Variants in LRRC37A2 observed in about 807,000 individuals in gnomAD.
The protein encoded by LRRC37A2 is leucine-rich repeat-containing protein 37A2.
In LRRC37A2, 9 loss-of-function variants were observed where a neutral mutation model predicts 68.8. The observed-to-expected ratio is 0.13, with a 90% CI of 0.08 to 0.23. The LOEUF is 0.23. Among genes scored for constraint, LRRC37A2 ranks in the 10% least tolerant of loss-of-function variants. The pLI is 1.00. For synonymous variants in LRRC37A2, 63 were observed against 367.6 expected (o/e 0.17, Z 9.48); for missense variants, 168 against 950.4 (o/e 0.18, Z 10.82).
At chr17:46,851,822 G>A in the LRRC37A2 span, 3 of 544,170 alleles carry the variant, frequency 5.5e-6, no homozygotes, top group African/African-American at 5.9e-5. This position sits in a 1 kb window ranked among gnomAD's most constrained non-coding sequence, Gnocchi z 4.3. Context: ...CCCCGCCGAG[G>A]TCTCGAACTC....
the LRRC37A2 span, among the ~76,000 whole-genome samples, chr17:47,005,043 A>C: frequency 6.6e-6 from 1 of 152,242 alleles, no homozygotes; most frequent in African/African-American, 2.4e-5. Context: ...CCCAAGGTCC[A>C]TAGGAAGTGG....
At chr17:46,741,380 C>T in the LRRC37A2 span, among the ~76,000 whole-genome samples, 2 of 152,156 alleles carry the variant, frequency 1.3e-5, no homozygotes, top group Non-Finnish European at 2.9e-5. Context: ...TTCAGTTTCT[C>T]GTTTCATATT....
the LRRC37A2 span, among the ~76,000 whole-genome samples, chr17:46,657,500 CTT>C: frequency 3.5e-5 from 5 of 144,006 alleles, no homozygotes; most frequent in Non-Finnish European, 6.2e-5. Flanking sequence ...GAAATAGAAA[CTT>C]TTTCAGAATA....
At chr17:46,842,741 C>A in the LRRC37A2 span, among the ~76,000 whole-genome samples, 2 of 152,180 alleles carry the variant, frequency 1.3e-5, no homozygotes, top group Admixed American at 6.5e-5. Context: ...GAGTGCCTGG[C>A]ATGATGAGTG....
chr17:46,822,054 G>A, the LRRC37A2 span, among the ~76,000 whole-genome samples: 1 of 152,256 alleles, frequency 6.6e-6, no homozygotes, highest in Admixed American at 6.5e-5. Context: ...GGTAAAGGGA[G>A]AGGCGAAGCC....
chr17:46,914,650 C>CAAAAAAA, the LRRC37A2 span, among the ~76,000 whole-genome samples: 1 of 72,502 alleles, frequency 1.4e-5, no homozygotes, highest in Non-Finnish European at 2.4e-5. Context: ...GACTCCACCT[C>CAAAAAAA]AAAAAAAAAA....
At chr17:46,944,889 C>T in the LRRC37A2 span, among the ~76,000 whole-genome samples, 4 of 152,100 alleles carry the variant, frequency 2.6e-5, no homozygotes, top group Admixed American at 2.6e-4. Flanking sequence ...CATAAGCCAC[C>T]GCAGCCGGCC....
the LRRC37A2 span, among the ~76,000 whole-genome samples, chr17:46,986,185 C>T: frequency 6.6e-6 from 1 of 152,068 alleles, no homozygotes; most frequent in Admixed American, 6.5e-5. Context: ...TCCTTTTTTG[C>T]CAACACCGAC....
the LRRC37A2 span, among the ~76,000 whole-genome samples, chr17:46,957,463 A>G: frequency 3.6e-4 from 54 of 152,084 alleles, 1 homozygote; most frequent in Admixed American, 3.0e-3. Context: ...AAATACAAAA[A>G]CTAGCCAGGT....
At chr17:46,728,786 C>G in the LRRC37A2 span, 2 of 859,918 alleles carry the variant, frequency 2.3e-6, no homozygotes, top group Non-Finnish European at 3.4e-6. Flanking sequence ...AAAAAAAAAA[C>G]AAAAACTGAA....
At chr17:46,811,726 G>A in the LRRC37A2 span, among the ~76,000 whole-genome samples, 13 of 152,294 alleles carry the variant, frequency 8.5e-5, no homozygotes, top group South Asian at 2.3e-3. Flanking sequence ...AGGCCGAGGC[G>A]GGTGGATTAC....
At chr17:46,995,465 A>G in the LRRC37A2 span, among the ~76,000 whole-genome samples, 3 of 152,312 alleles carry the variant, frequency 2.0e-5, no homozygotes, top group Admixed American at 2.0e-4. Context: ...AGGCATGGCC[A>G]TGTAACTCAG....
At chr17:46,737,572 CGTGTGTGTGTGTGTGT>C in the LRRC37A2 span, among the ~76,000 whole-genome samples, 3 of 147,172 alleles carry the variant, frequency 2.0e-5, no homozygotes, top group African/African-American at 5.1e-5. Context: ...GGTGTGTGTG[CGTGTGTGTGTGTGTGT>C]GTGTGTGTGT....
At chr17:46,930,986 G>A in the LRRC37A2 span, 4 of 702,960 alleles carry the variant, frequency 5.7e-6, no homozygotes, top group Non-Finnish European at 5.2e-6. Context: ...TTCTCCTTTT[G>A]AAATATGTAG....
At chr17:46,777,279 A>G in the LRRC37A2 span, among the ~76,000 whole-genome samples, 23 of 152,362 alleles carry the variant, frequency 1.5e-4, no homozygotes, top group Non-Finnish European at 2.9e-4. Context: ...TCACACAGCC[A>G]TATCCACAGA....
At chr17:46,823,182 A>ATATT in the LRRC37A2 span, among the ~76,000 whole-genome samples, 1 of 127,868 alleles carries the variant, frequency 7.8e-6, no homozygotes, top group African/African-American at 3.2e-5. Context: ...ATTTATATAT[A>ATATT]ATATATTATA....
At chr17:46,842,165 T>A in the LRRC37A2 span, among the ~76,000 whole-genome samples, 1 of 152,212 alleles carries the variant, frequency 6.6e-6, no homozygotes, top group African/African-American at 2.4e-5. Context: ...TTGCTGGTAT[T>A]TAGGTCCTTG....
At chr17:46,923,267 C>T in the LRRC37A2 span, 8 of 1,550,206 alleles carry the variant, frequency 5.2e-6, no homozygotes, top group African/African-American at 4.1e-5. Context: ...GAGGCGAGGC[C>T]AGGTGAGCCT....
the LRRC37A2 span, among the ~76,000 whole-genome samples, chr17:46,977,470 T>C: frequency 6.6e-6 from 1 of 152,250 alleles, no homozygotes; most frequent in Non-Finnish European, 1.5e-5. Context: ...GTCCTCTCGC[T>C]GTCCGCTAGG....
Sources: gnomAD v4.1 joint callset for allele counts (sites outside exome capture counted in the v4.1 genomes callset) on GRCh38, gnomAD v4.1.1 for gene constraint, Gnocchi (gnomAD v3.1) non-coding constraint, MANE v1.5 for transcripts, NCBI Gene and HGNC (gene_info 2026-07-23, HGNC 2026-07-21) for gene names.